FANK1: variants seen among roughly 807,000 people sequenced by gnomAD.
The protein encoded by FANK1 is fibronectin type III and ankyrin repeat domains 1, also known as fibronectin type 3 and ankyrin repeat domains protein 1.
In FANK1, 44 loss-of-function variants were observed where a neutral mutation model predicts 45.3. The observed-to-expected ratio is 0.97, with a 90% confidence interval of 0.76 to 1.25. The LOEUF is 1.25. FANK1 is among the 50% of genes most tolerant of loss of function. The pLI, the probability that FANK1 is intolerant of heterozygous loss-of-function variation, is 0.00. For synonymous variants in FANK1, 149 were observed against 152.5 expected (o/e 0.98, Z 0.17); for missense variants, 391 against 424.4 (o/e 0.92, Z 0.69).
chr10:125,957,932 A>T (rs918153785), intron 1 of FANK1, among the ~76,000 whole-genome samples: 1 of 151,846 alleles, frequency 6.6e-6, no homozygotes, highest in East Asian at 1.9e-4. Flanking sequence ...TTTCTTTTAC[A>T]TTTTTAATTG....
chr10:125,978,877 G>T (rs1295071900), intron 1 of FANK1, among the ~76,000 whole-genome samples: 1 of 152,216 alleles, frequency 6.6e-6, no homozygotes, highest in Non-Finnish European at 1.5e-5. Flanking sequence ...CTAAGTGTAT[G>T]TACAGGAGTC....
intron 3 of FANK1, among the ~76,000 whole-genome samples, chr10:125,990,633 ACACCAAAGC>A (rs539194294): frequency 2.3e-3 from 353 of 152,196 alleles, no homozygotes; most frequent in Non-Finnish European, 3.8e-3. Context: ...TCTTAATAGC[ACACCAAAGC>A]CAGGGCAGGG....
intron 1 of FANK1, among the ~76,000 whole-genome samples, chr10:125,930,143 C>A (rs1384590324): frequency 6.6e-6 from 1 of 152,058 alleles, no homozygotes; most frequent in African/African-American, 2.4e-5. Flanking sequence ...CAACCTCCGC[C>A]TCCTGGGTTC....
At chr10:125,907,491 A>T in intron 1 of FANK1, 8 of 985,312 alleles carry the variant, frequency 8.1e-6, no homozygotes, top group Non-Finnish European at 9.6e-6. Context: ...TTTTGGATGA[A>T]ATCGAGTGAA....
intron 1 of FANK1, among the ~76,000 whole-genome samples, chr10:125,902,117 G>T (rs79916216): frequency 6.6e-6 from 1 of 152,112 alleles, no homozygotes; most frequent in Admixed American, 6.6e-5. Context: ...AATGTGAGGT[G>T]GGGGGAGGAG....
Position 125,983,306 on chromosome 10 carries a change from A to C in FANK1, c.191+2968A>C, listed in dbSNP as rs1951340615. On this transcript the variant is annotated intron_variant, in intron 2 of 10. Coordinates refer to ENST00000368693, the MANE Select transcript of FANK1 (RefSeq NM_145235.5). This position sits in a 1 kb window ranked among gnomAD's most constrained non-coding sequence, Gnocchi z 4.3. ...TAAATTCCTGTGATCGTTGCTGCCC[A>C]TGCCACGCATTCCATTTATTCCATC... Among the ~76,000 whole-genome samples the C allele has an allele frequency of 1.3e-5, 2 of 152,138 alleles. No individual in the cohort carries two copies. Among genetic ancestry groups the C allele is most frequent in the Admixed American group, 1.3e-4 (2 of 15,280 alleles).
chr10:125,907,911 A>G (rs929594235), intron 1 of FANK1, among the ~76,000 whole-genome samples: 2 of 152,094 alleles, frequency 1.3e-5, no homozygotes, highest in African/African-American at 4.8e-5. Context: ...CAACCTTGTG[A>G]GAGCCTATGC....
chr10:125,930,773 G>A (rs963413989), intron 1 of FANK1, among the ~76,000 whole-genome samples: 1 of 152,094 alleles, frequency 6.6e-6, no homozygotes, highest in South Asian at 2.1e-4. Flanking sequence ...GGTTACATGA[G>A]TAAGTTCTTT....
At chr10:125,998,326 C>A (rs949382639) in intron 6 of FANK1, among the ~76,000 whole-genome samples, 1 of 152,168 alleles carries the variant, frequency 6.6e-6, no homozygotes, top group Non-Finnish European at 1.5e-5. Flanking sequence ...GGCCTATCTT[C>A]TACATTTACA....
chr10:125,957,716 G>A (rs1241004801), intron 1 of FANK1, among the ~76,000 whole-genome samples: 1 of 151,884 alleles, frequency 6.6e-6, no homozygotes, highest in Non-Finnish European at 1.5e-5. Context: ...GTAGAGATGG[G>A]ATTTTACCAT....
intron 1 of FANK1, among the ~76,000 whole-genome samples, chr10:125,979,328 C>G (rs537633503): frequency 6.6e-6 from 1 of 152,312 alleles, no homozygotes; most frequent in African/African-American, 2.4e-5. Context: ...TGCTTCTAGT[C>G]AGCCATCTTG....
At chr10:125,901,437 T>C (rs1382409165) in intron 1 of FANK1, among the ~76,000 whole-genome samples, 3 of 152,028 alleles carry the variant, frequency 2.0e-5, no homozygotes. Context: ...GAAGCTGGAG[T>C]GACCTTTCAA....
At chr10:125,989,339 C>T (rs1951775969) in intron 3 of FANK1, 1 of 1,551,152 alleles carries the variant, frequency 6.4e-7, no homozygotes, top group Non-Finnish European at 8.7e-7. Flanking sequence ...TCTCCACGGC[C>T]CACCCACTGA....
chr10:125,970,703 A>G (rs181041742), intron 1 of FANK1, among the ~76,000 whole-genome samples: 51 of 152,234 alleles, frequency 3.4e-4, no homozygotes, highest in African/African-American at 1.1e-3. Context: ...AATCCCAGGC[A>G]CTCGGCAGGC....
chr10:125,955,087 T>C (rs893307061), intron 1 of FANK1, among the ~76,000 whole-genome samples: 16 of 151,878 alleles, frequency 1.1e-4, no homozygotes, highest in Admixed American at 4.6e-4. Flanking sequence ...GAAACACTCA[T>C]AATGCTCAAA....
At chr10:125,916,832 A>T (rs190856884) in intron 1 of FANK1, among the ~76,000 whole-genome samples, 5 of 152,142 alleles carry the variant, frequency 3.3e-5, no homozygotes, top group Admixed American at 2.6e-4. Flanking sequence ...CAGGAAGAAC[A>T]CTCTGACCTT....
chr10:125,949,951 A>G (rs1428645843), intron 1 of FANK1, among the ~76,000 whole-genome samples: 41 of 133,090 alleles, frequency 3.1e-4, no homozygotes, highest in Non-Finnish European at 6.4e-4. Flanking sequence ...GAGCCCTCAG[A>G]AATAACGCCG....
intron 1 of FANK1, among the ~76,000 whole-genome samples, chr10:125,927,927 G>C (rs553798911): frequency 1.3e-5 from 2 of 152,278 alleles, no homozygotes; most frequent in African/African-American, 4.8e-5. Context: ...GTGCTTTATA[G>C]AGTGTACGTA....
chr10:126,007,976 A>T (rs1953359339), intron 7 of FANK1, among the ~76,000 whole-genome samples: 1 of 152,212 alleles, frequency 6.6e-6, no homozygotes, highest in Non-Finnish European at 1.5e-5. Flanking sequence ...TTTTACCTGT[A>T]GGTCTCCTGC....
Sources: gnomAD v4.1 joint callset for allele counts (sites outside exome capture counted in the v4.1 genomes callset) on GRCh38, gnomAD v4.1.1 for gene constraint, Gnocchi (gnomAD v3.1) non-coding constraint, MANE v1.5 for transcripts, NCBI Gene and HGNC (gene_info 2026-07-23, HGNC 2026-07-21) for gene names.